XIRP2: variants seen among roughly 807,000 people sequenced by gnomAD.
XIRP2 encodes xin actin binding repeat containing 2, also known as xin actin-binding repeat-containing protein 2.
Under a neutral mutation model 277.0 loss-of-function variants are expected in XIRP2, and 236 were observed. That is an observed-to-expected ratio of 0.85 (90% CI 0.77 to 0.95). The LOEUF is 0.95. XIRP2 is among the 40% of genes least tolerant of loss of function. The probability of loss-of-function intolerance (pLI) is 0.00; values close to 1 mark genes in which losing one functional copy is unlikely to be tolerated. For missense variants in XIRP2, 4,640 were observed against 4,157.5 expected, an observed-to-expected ratio of 1.12 and a Z score of -3.19; for synonymous variants, 1,490 against 1,416.5, an observed-to-expected ratio of 1.05 and a Z score of -1.17.
rs1695327523 is a variant in XIRP2 at position 167,247,831 on chromosome 2, A to G, written c.6439A>G (p.Thr2147Ala). ...TTTTCATATAAAGAGTCCTAAAAAG[A>G]CCAAAAATATTAAAATATTAACTGA... ...EGFHIKSPKKTKNIKILTDTQ... is the reference protein window; with the variant it reads ...EGFHIKSPKKAKNIKILTDTQ... The change falls in exon 9 of 11, where the codon ACC becomes GCC. Residue 2147 changes from threonine (T) to alanine (A), a missense_variant. Physicochemically the swap from Thr to Ala is moderately conservative, Grantham distance 58 (BLOSUM62 0). Coordinates refer to ENST00000409195, the MANE Select transcript of XIRP2 (RefSeq NM_152381.6). The G allele has an allele frequency of 1.2e-6, 2 of 1,613,450 alleles. No individual in the cohort carries two copies. Among genetic ancestry groups the G allele is most frequent in the South Asian group, 2.2e-5 (2 of 91,020 alleles).
intron 2 of XIRP2, among the ~76,000 whole-genome samples, chr2:167,042,409 A>C (rs1421797879): frequency 1.3e-5 from 2 of 152,176 alleles, no homozygotes; most frequent in Non-Finnish European, 1.5e-5. Context: ...TGAATAAAGA[A>C]GCAAGACTCA....
At chr2:167,197,694 C>T (rs1036300449) in intron 3 of XIRP2, among the ~76,000 whole-genome samples, 3 of 152,120 alleles carry the variant, frequency 2.0e-5, no homozygotes, top group African/African-American at 7.2e-5. Context: ...ACCAGCCTTC[C>T]ATATTCACAG....
Position 167,243,595 on chromosome 2 carries a change from TG to T in XIRP2, c.2204del (p.Cys735PhefsTer33). Reference sequence around the variant, plus strand: ...GGGAAATGTTAAAAGAAGTATAAAATGTTTCGAAACTCAACCATTATATGTT... The same window carrying T: ...GGGAAATGTTAAAAGAAGTATAAAATTTTCGAAACTCAACCATTATATGTT... The part of the protein sequence containing the change: ...IKGNVKRSIK[C>X]FETQPLYVIR... On this transcript the variant is annotated frameshift_variant, in exon 9 of 11. Transcript: ENST00000409195. LOFTEE classifies it high-confidence loss of function. 1 of 1,614,036 alleles carries T rather than the reference TG, an allele frequency of 6.2e-7. No individual in the cohort carries two copies. Among genetic ancestry groups the T allele is most frequent in the Non-Finnish European group, 8.5e-7 (1 of 1,179,982 alleles).
chr2:167,033,144 C>T (rs532278938), intron 2 of XIRP2, among the ~76,000 whole-genome samples: 3 of 152,164 alleles, frequency 2.0e-5, no homozygotes, highest in Admixed American at 6.5e-5. Flanking sequence ...CTTGCAGGGA[C>T]ATGGATGAAG....
At chr2:166,916,073 G>C (rs1380825869) in intron 2 of XIRP2, among the ~76,000 whole-genome samples, 2 of 152,168 alleles carry the variant, frequency 1.3e-5, no homozygotes, top group East Asian at 3.9e-4. Context: ...AATAATTAAA[G>C]ATGCTATAGT....
rs746540679 is a variant in XIRP2 at position 167,248,308 on chromosome 2, A to G, written c.6916A>G (p.Ile2306Val). 1 of 1,613,606 alleles carries G rather than the reference A, an allele frequency of 6.2e-7. No individual in the cohort carries two copies. The highest frequency in any genetic ancestry group is 2.2e-5 in the East Asian group (1 of 44,836). The change falls in exon 9 of 11, where the codon ATT becomes GTT. Residue 2306 changes from isoleucine to valine, a missense_variant. Physicochemically the swap from Ile to Val is conservative, Grantham distance 29 (BLOSUM62 3). Transcript: ENST00000409195. ...PPPPSNASSE[I>V]EFPLPPPPPL... is the part of the protein sequence containing the mutation. ...ACCACCTTCTAATGCATCATCTGAA[A>G]TTGAATTTCCTCTTCCTCCTCCACC...
intron 2 of XIRP2, among the ~76,000 whole-genome samples, chr2:167,078,226 G>T (rs888138230): frequency 4.6e-5 from 7 of 152,094 alleles, no homozygotes; most frequent in Admixed American, 3.3e-4. Context: ...TATTTTATTT[G>T]TGTGTGTAGC....
intron 2 of XIRP2, among the ~76,000 whole-genome samples, chr2:167,062,143 G>A (rs991861313): frequency 9.2e-5 from 14 of 152,046 alleles, no homozygotes; most frequent in African/African-American, 3.1e-4. Context: ...ACTTTTAAAC[G>A]TTAAGCCTGT....
chr2:167,076,040 A>G (rs1399454547), intron 2 of XIRP2, among the ~76,000 whole-genome samples: 1 of 152,050 alleles, frequency 6.6e-6, no homozygotes, highest in Non-Finnish European at 1.5e-5. Flanking sequence ...TTTTTACAGG[A>G]GTTTTCTTCA....
intron 2 of XIRP2, among the ~76,000 whole-genome samples, chr2:167,039,377 T>C (rs548489297): frequency 4.7e-4 from 71 of 152,358 alleles, no homozygotes; most frequent in African/African-American, 1.6e-3. Context: ...CTGCTAGGCA[T>C]TGCTGTGAAC....
chr2:167,175,737 C>G (rs888425685), intron 3 of XIRP2, among the ~76,000 whole-genome samples: 14 of 152,182 alleles, frequency 9.2e-5, no homozygotes, highest in Admixed American at 9.2e-4. Flanking sequence ...GCTGCTCCCA[C>G]AGCTGCCCCT....
At chr2:167,241,710 A>G (rs1054822771) in intron 7 of XIRP2, 67 bp from the exon 8 acceptor site, 38 of 1,521,286 alleles carry the variant, frequency 2.5e-5, no homozygotes, top group East Asian at 9.4e-5. Context: ...ATGCCCAGCC[A>G]TAATTTCTTC....
chr2:167,075,472 C>T (rs1292933551), intron 2 of XIRP2, among the ~76,000 whole-genome samples: 1 of 152,186 alleles, frequency 6.6e-6, no homozygotes, highest in Non-Finnish European at 1.5e-5. Flanking sequence ...TTCACAGCTG[C>T]TTGATCAAGG....
chr2:167,002,663 A>G (rs1331748430), intron 2 of XIRP2, among the ~76,000 whole-genome samples: 1 of 151,958 alleles, frequency 6.6e-6, no homozygotes, highest in Non-Finnish European at 1.5e-5. Context: ...TGGCTTATTT[A>G]TAAGGATGTC....
chr2:167,243,341 A>G lies in XIRP2; in HGVS notation c.1949A>G (p.Asp650Gly). The G allele has an allele frequency of 6.2e-7, 1 of 1,614,114 alleles. No individual in the cohort carries two copies. Among genetic ancestry groups the G allele is most frequent in the Non-Finnish European group, 8.5e-7 (1 of 1,179,992 alleles). The change falls in exon 9 of 11, where the codon GAT becomes GGT. Residue 650 changes from aspartate to glycine, a missense_variant. Asp to Gly is a moderately conservative substitution (Grantham distance 94, BLOSUM62 -1). Transcript: ENST00000409195. The part of the protein sequence containing the change: ...AEKIPELARG[D>G]VCTARWMFET... ...AAAATTCCTGAGCTAGCCAGAGGAG[A>G]TGTCTGCACAGCTCGGTGGATGTTT...
intron 2 of XIRP2, among the ~76,000 whole-genome samples, chr2:167,103,900 A>G (rs908610416): frequency 6.6e-6 from 1 of 152,132 alleles, no homozygotes; most frequent in Admixed American, 6.5e-5. Flanking sequence ...AAGTTACTGC[A>G]TTATTACCAG....
intron 2 of XIRP2, among the ~76,000 whole-genome samples, chr2:166,996,549 C>T (rs1021885007): frequency 2.6e-5 from 4 of 152,100 alleles, no homozygotes; most frequent in Non-Finnish European, 5.9e-5. Flanking sequence ...ATTGCTTGAC[C>T]CCAGGAGGCA....
Position 167,244,318 on chromosome 2 carries a change from G to A in XIRP2, c.2926G>A (p.Val976Ile), listed in dbSNP as rs1024892904. The change falls in exon 9 of 11, where the codon GTA becomes ATA. Residue 976 changes from valine (V) to isoleucine (I), a missense_variant. Coordinates refer to ENST00000409195, the MANE Select transcript of XIRP2 (RefSeq NM_152381.6). ...IEVEGVTRGAVELNKSLFETT... is the reference protein window; with the variant it reads ...IEVEGVTRGAIELNKSLFETT... Reference sequence around the variant, plus strand: ...GGTGGAAGGAGTTACAAGAGGTGCTGTAGAGTTAAATAAATCTCTCTTCGA... The same window carrying A: ...GGTGGAAGGAGTTACAAGAGGTGCTATAGAGTTAAATAAATCTCTCTTCGA... The A allele has an allele frequency of 3.7e-6, 6 of 1,613,758 alleles. No individual in the cohort carries two copies. Among genetic ancestry groups the A allele is most frequent in the Non-Finnish European group, 5.1e-6 (6 of 1,179,824 alleles).
intron 2 of XIRP2, among the ~76,000 whole-genome samples, chr2:167,063,826 G>T (rs375367712): frequency 5.3e-5 from 8 of 151,202 alleles, no homozygotes; most frequent in African/African-American, 1.7e-4. Flanking sequence ...TTTTAAGTGG[G>T]TTTCTTTTTT....
Sources: gnomAD v4.1 joint callset for allele counts (sites outside exome capture counted in the v4.1 genomes callset) on GRCh38, gnomAD v4.1.1 for gene constraint, MANE v1.5 for transcripts, NCBI Gene and HGNC (gene_info 2026-07-23, HGNC 2026-07-21) for gene names.